Variants in MRPS35 observed in about 807,000 individuals in gnomAD.
MRPS35 encodes mitochondrial ribosomal protein S35.
Under a neutral mutation model 32.7 loss-of-function variants are expected in MRPS35, and 29 were observed. The observed-to-expected ratio is 0.89, with a 90% CI of 0.66 to 1.21. The LOEUF (loss-of-function observed/expected upper bound fraction) is 1.21. MRPS35 is among the 50% of genes most tolerant of loss of function. MRPS35 has a pLI of 0.00. For missense variants in MRPS35, 373 were observed against 383.8 expected (o/e 0.97, Z 0.23); for synonymous variants, 148 against 139.3 (o/e 1.06, Z -0.44).
intron 5 of MRPS35, among the ~76,000 whole-genome samples, chr12:27,724,734 T>G (rs1467123236): frequency 5.3e-5 from 8 of 151,548 alleles, no homozygotes; most frequent in African/African-American, 1.9e-4. Flanking sequence ...CAGAGCGAGA[T>G]TCCATCTCGG....
At chr12:27,732,997 T>TATATATATATATATATATAA (rs2061928037) in intron 5 of MRPS35, among the ~76,000 whole-genome samples, 2 of 3,500 alleles carry the variant, frequency 5.7e-4, no homozygotes, top group Non-Finnish European at 1.5e-3. Context: ...GATATATATA[T>TATATATATATATATATATAA]ATATATATAT....
At chr12:27,742,329 T>C (rs1465186202) in intron 7 of MRPS35, among the ~76,000 whole-genome samples, 1 of 152,216 alleles carries the variant, frequency 6.6e-6, no homozygotes, top group Non-Finnish European at 1.5e-5. Flanking sequence ...ATTCAACAAC[T>C]ATTTAGTTCT....
At chr12:27,722,476 T>C (rs1257477018) in intron 4 of MRPS35, among the ~76,000 whole-genome samples, 1 of 151,958 alleles carries the variant, frequency 6.6e-6, no homozygotes, top group African/African-American at 2.4e-5. Context: ...ATTTTAAAAC[T>C]GTAATTATCA....
intron 7 of MRPS35, among the ~76,000 whole-genome samples, chr12:27,740,445 T>C (rs1383469562): frequency 6.6e-6 from 1 of 152,188 alleles, no homozygotes; most frequent in African/African-American, 2.4e-5. Flanking sequence ...TTTTTGCATT[T>C]TTTTTGTAGA....
intron 5 of MRPS35, among the ~76,000 whole-genome samples, chr12:27,733,038 A>ATATCTATATCTATCTATCTATCTATC (rs1565468140): frequency 1.3e-5 from 1 of 76,122 alleles, no homozygotes; most frequent in East Asian, 4.4e-4. Flanking sequence ...ATATATATAT[A>ATATCTATATCTATCTATCTATCTATC]TATCCAGCAC....
intron 7 of MRPS35, among the ~76,000 whole-genome samples, chr12:27,741,507 T>C (rs1330836269): frequency 6.6e-6 from 1 of 152,148 alleles, no homozygotes; most frequent in Non-Finnish European, 1.5e-5. Context: ...GAATTTTAAA[T>C]TCATGGTTTC....
intron 5 of MRPS35, among the ~76,000 whole-genome samples, chr12:27,735,021 A>C (rs1041022794): frequency 6.6e-6 from 1 of 152,196 alleles, no homozygotes; most frequent in Non-Finnish European, 1.5e-5. Context: ...TCATAATTGC[A>C]TGGTAGAACT....
At chr12:27,720,603 A>G (rs1378915770) in intron 4 of MRPS35, among the ~76,000 whole-genome samples, 1 of 151,728 alleles carries the variant, frequency 6.6e-6, no homozygotes, top group Non-Finnish European at 1.5e-5. Flanking sequence ...CCAGCCCCTC[A>G]TTTATTTATG....
intron 3 of MRPS35, among the ~76,000 whole-genome samples, chr12:27,717,665 A>G (rs1380686414): frequency 6.6e-6 from 1 of 152,266 alleles, no homozygotes; most frequent in Non-Finnish European, 1.5e-5. Context: ...GCATACATCA[A>G]GGAAAACAAA....
In MRPS35 at chr12:27,755,283, A is replaced by T; in HGVS notation, c.805A>T (p.Met269Leu). 6.2e-7 allele frequency: 1 copy of T among 1,613,212 alleles called. No individual in the cohort carries two copies. Reference protein sequence around the residue: ...ERNILETLLQMKAAEKNMEIN... With the variant: ...ERNILETLLQLKAAEKNMEIN... ...AAATATCCTGGAAACGCTTCTCCAG[A>T]TGAAAGCTGCTGAGAAAAATATGGA... Residue 269 changes from methionine (M) to leucine (L), a missense_variant, in exon 8 of 8, where the codon ATG becomes TTG. By Grantham distance (15) the Met-to-Leu change is conservative. Transcript: ENST00000081029.
chr12:27,718,157 G>GCTCA (rs1282182902), intron 3 of MRPS35, among the ~76,000 whole-genome samples: 1 of 152,186 alleles, frequency 6.6e-6, no homozygotes, highest in Non-Finnish European at 1.5e-5. Context: ...AGGTGTGGTG[G>GCTCA]CTCACACCCG....
At position 27,755,253 on chromosome 12, in the gene MRPS35, G is replaced by C; in HGVS notation, c.775G>C (p.Glu259Gln). Residue 259 changes from glutamate to glutamine, a missense_variant, in exon 8 of 8, where the codon GAA (glutamate) becomes CAA (glutamine). Coordinates refer to ENST00000081029, the MANE Select transcript of MRPS35 (RefSeq NM_021821.4). ...EEYIWENSSS[E>Q]RNILETLLQM... ...GTATATATGGGAAAATAGCTCATCA[G>C]AAAGAAATATCCTGGAAACGCTTCT... 6.2e-7 allele frequency: 1 copy of C among 1,611,104 alleles called. No homozygotes were observed. Among genetic ancestry groups the C allele is most frequent in the Non-Finnish European group, 8.5e-7 (1 of 1,179,452 alleles).
chr12:27,716,273 C>G lies in MRPS35; in HGVS notation c.154-18C>G. The G allele has an allele frequency of 6.6e-7, 1 of 1,517,952 alleles. No individual in the cohort carries two copies. The allele number at this position is 1,517,952 out of a possible 1,614,324, so 94.0% of individuals were successfully genotyped here. A position where few individuals can be genotyped will look rare whatever the true frequency, so the allele number is the denominator to read the frequency against. ...ATGTGTTTATATTTAAAATACTAAA[C>G]GATTTTATATTTCTTAGGCACTACC... On this transcript the variant is annotated intron_variant, in intron 2 of 7. Transcript: ENST00000081029.
intron 5 of MRPS35, among the ~76,000 whole-genome samples, chr12:27,727,554 A>T (rs1448364835): frequency 6.6e-6 from 1 of 152,110 alleles, no homozygotes; most frequent in Non-Finnish European, 1.5e-5. Flanking sequence ...ATACATAATG[A>T]TGTTTGTACA....
chr12:27,745,049 A>G (rs1277639452), intron 7 of MRPS35, among the ~76,000 whole-genome samples: 1 of 152,104 alleles, frequency 6.6e-6, no homozygotes, highest in Non-Finnish European at 1.5e-5. Context: ...TCTGCCTCCC[A>G]GGCTCAAGTG....
intron 7 of MRPS35, among the ~76,000 whole-genome samples, chr12:27,749,964 C>A (rs990477946): frequency 9.9e-5 from 15 of 152,182 alleles, no homozygotes; most frequent in African/African-American, 3.6e-4. Context: ...CCATCTTATA[C>A]AAACTTCCTG....
chr12:27,746,477 A>G (rs2061982307), intron 7 of MRPS35, among the ~76,000 whole-genome samples: 1 of 152,168 alleles, frequency 6.6e-6, no homozygotes, highest in Non-Finnish European at 1.5e-5. Flanking sequence ...GGGATACTCA[A>G]CCTATATCTA....
chr12:27,743,369 A>G (rs2061971104), intron 7 of MRPS35, among the ~76,000 whole-genome samples: 1 of 151,798 alleles, frequency 6.6e-6, no homozygotes, highest in Non-Finnish European at 1.5e-5. Flanking sequence ...CTCTACTACA[A>G]ATATATAAAT....
chr12:27,737,057 T>C (rs2061945538), intron 6 of MRPS35, among the ~76,000 whole-genome samples: 1 of 152,146 alleles, frequency 6.6e-6, no homozygotes, highest in African/African-American at 2.4e-5. Context: ...TTAATTTTTG[T>C]AGAAACAGGG....
Sources: gnomAD v4.1 joint callset for allele counts (sites outside exome capture counted in the v4.1 genomes callset) on GRCh38, gnomAD v4.1.1 for gene constraint, MANE v1.5 for transcripts, NCBI Gene and HGNC (gene_info 2026-07-23, HGNC 2026-07-21) for gene names.